GALNT13: variants seen among roughly 807,000 people sequenced by gnomAD.
GALNT13 encodes polypeptide N-acetylgalactosaminyltransferase 13.
GALNT13 carries 28 observed loss-of-function variants against 64.2 expected under a neutral mutation model. The observed-to-expected ratio is 0.44, with a 90% CI of 0.32 to 0.60. The LOEUF is 0.60. Among genes scored for constraint, GALNT13 ranks in the 20% least tolerant of loss-of-function variants. The pLI is 0.05. For synonymous variants in GALNT13, 214 were observed against 224.6 expected, an observed-to-expected ratio of 0.95 and a Z score of 0.42; for missense variants, 577 against 669.8, an observed-to-expected ratio of 0.86 and a Z score of 1.53.
the GALNT13 span, among the ~76,000 whole-genome samples, chr2:153,420,464 C>T: frequency 6.6e-6 from 1 of 152,058 alleles, no homozygotes; most frequent in Admixed American, 6.6e-5. Flanking sequence ...AATATGATCT[C>T]CATGTATATG....
chr2:154,052,168 G>C (rs1482948823), intron 3 of GALNT13, among the ~76,000 whole-genome samples: 2 of 152,080 alleles, frequency 1.3e-5, no homozygotes, highest in Non-Finnish European at 2.9e-5. Flanking sequence ...ACACTTTGTG[G>C]TTGTGCTTGT....
intron 9 of GALNT13, among the ~76,000 whole-genome samples, chr2:154,359,424 T>C (rs530297495): frequency 1.3e-5 from 2 of 152,130 alleles, no homozygotes; most frequent in Admixed American, 6.6e-5. Context: ...CATAATCCAG[T>C]AGGGAGAATT....
chr2:153,224,428 G>A, the GALNT13 span, among the ~76,000 whole-genome samples: 1 of 152,010 alleles, frequency 6.6e-6, no homozygotes, highest in East Asian at 1.9e-4. Flanking sequence ...TCAAACCTCA[G>A]CATCACACAA....
At chr2:153,366,608 T>C in the GALNT13 span, among the ~76,000 whole-genome samples, 1 of 151,734 alleles carries the variant, frequency 6.6e-6, no homozygotes, top group African/African-American at 2.4e-5. Flanking sequence ...AAGAAATATT[T>C]GACTATTTGA....
chr2:153,221,373 A>G, the GALNT13 span, among the ~76,000 whole-genome samples: 4 of 152,188 alleles, frequency 2.6e-5, no homozygotes, highest in African/African-American at 9.6e-5. Flanking sequence ...ACCACTTTAA[A>G]CACTCAGGTT....
chr2:153,214,263 A>G, the GALNT13 span, among the ~76,000 whole-genome samples: 1 of 152,146 alleles, frequency 6.6e-6, no homozygotes, highest in Non-Finnish European at 1.5e-5. Context: ...AAAACTATAT[A>G]TTGATAGAGA....
At chr2:153,539,323 T>G in the GALNT13 span, among the ~76,000 whole-genome samples, 5 of 152,008 alleles carry the variant, frequency 3.3e-5, no homozygotes, top group Non-Finnish European at 4.4e-5. Flanking sequence ...TTGCGAAAAT[T>G]TTCTCCCATT....
chr2:154,445,908 G>A (rs1701545460), intron 12 of GALNT13: 4 of 712,856 alleles, frequency 5.6e-6, no homozygotes, highest in Admixed American at 2.4e-5. Context: ...TAGATGGAGA[G>A]CAAGAAACAG....
the GALNT13 span, among the ~76,000 whole-genome samples, chr2:153,362,979 T>A: frequency 6.6e-5 from 10 of 152,092 alleles, no homozygotes; most frequent in Non-Finnish European, 1.3e-4. Flanking sequence ...ACCACATAAT[T>A]GGAAGTAAAA....
chr2:153,512,885 T>C, the GALNT13 span, among the ~76,000 whole-genome samples: 1 of 152,332 alleles, frequency 6.6e-6, no homozygotes, highest in African/African-American at 2.4e-5. Flanking sequence ...TATTCCAATT[T>C]CATTTGAACA....
the GALNT13 span, among the ~76,000 whole-genome samples, chr2:153,796,411 A>C: frequency 1.3e-5 from 2 of 152,214 alleles, no homozygotes; most frequent in Admixed American, 1.3e-4. Flanking sequence ...ATCTGTCATA[A>C]CTCAAATGTT....
the GALNT13 span, among the ~76,000 whole-genome samples, chr2:153,561,978 T>G: frequency 7.2e-6 from 1 of 138,442 alleles, no homozygotes; most frequent in Non-Finnish European, 1.6e-5. Flanking sequence ...CTTTACCAAT[T>G]TTTAGTGTTT....
the GALNT13 span, among the ~76,000 whole-genome samples, chr2:153,429,897 T>G: frequency 1.3e-5 from 2 of 152,176 alleles, no homozygotes; most frequent in Non-Finnish European, 2.9e-5. Flanking sequence ...ACTTAATATT[T>G]ATATCATTTT....
At chr2:154,215,955 A>G (rs1688017590) in intron 4 of GALNT13, among the ~76,000 whole-genome samples, 1 of 152,032 alleles carries the variant, frequency 6.6e-6, no homozygotes, top group Non-Finnish European at 1.5e-5. Flanking sequence ...TTTTGTAGTT[A>G]GAATAAATTT....
the GALNT13 span, among the ~76,000 whole-genome samples, chr2:153,527,295 G>A: frequency 6.6e-6 from 1 of 152,090 alleles, no homozygotes; most frequent in Admixed American, 6.6e-5. Context: ...AGCAGCAAGA[G>A]AAAAGGAACG....
At chr2:153,299,223 G>A in the GALNT13 span, among the ~76,000 whole-genome samples, 4 of 152,098 alleles carry the variant, frequency 2.6e-5, no homozygotes, top group South Asian at 8.3e-4. Flanking sequence ...ATATAAGAAC[G>A]AAGAAAAATT....
chr2:153,203,503 C>A, the GALNT13 span, among the ~76,000 whole-genome samples: 1 of 152,082 alleles, frequency 6.6e-6, no homozygotes, highest in Non-Finnish European at 1.5e-5. Flanking sequence ...ATTTTCAGAT[C>A]CTCTTCTTAT....
chr2:154,296,943 G>A (rs1271011620), intron 8 of GALNT13, among the ~76,000 whole-genome samples: 1 of 152,158 alleles, frequency 6.6e-6, no homozygotes, highest in Non-Finnish European at 1.5e-5. Context: ...GTATGGCAAA[G>A]AGGTAGCCAA....
At chr2:153,466,470 G>T in the GALNT13 span, among the ~76,000 whole-genome samples, 1 of 150,336 alleles carries the variant, frequency 6.7e-6, no homozygotes, top group Non-Finnish European at 1.5e-5. Flanking sequence ...TAATATATCT[G>T]AGTTTGTTTA....
Sources: allele counts gnomAD v4.1 joint callset (sites outside exome capture counted in the v4.1 genomes callset), GRCh38; gene constraint gnomAD v4.1.1; transcripts MANE v1.5; gene names NCBI Gene and HGNC (gene_info 2026-07-23, HGNC 2026-07-21).